DENND3: variants seen among roughly 807,000 people sequenced by gnomAD.
DENND3 encodes the protein DENN domain containing 3.
Under a neutral mutation model 135.1 loss-of-function variants are expected in DENND3, and 88 were observed. That is an observed-to-expected ratio of 0.65 (90% CI 0.55 to 0.78). The LOEUF (loss-of-function observed/expected upper bound fraction) is 0.78. Among genes scored for constraint, DENND3 ranks in the 30% least tolerant of loss-of-function variants. The pLI, the probability that DENND3 is intolerant of heterozygous loss-of-function variation, is 0.00. For synonymous variants in DENND3, 693 were observed against 712.3 expected (o/e 0.97, Z 0.43); for missense variants, 1,392 against 1,688.4 (o/e 0.82, Z 3.08).
chr8:141,171,833 G>A (rs1033436143), intron 13 of DENND3, among the ~76,000 whole-genome samples: 1 of 151,654 alleles, frequency 6.6e-6, no homozygotes, highest in African/African-American at 2.4e-5. Flanking sequence ...GGTGTGCACT[G>A]TGGTAGGCGT....
At position 141,190,813 on chromosome 8, in the gene DENND3, C is replaced by T. The variant is rs750970712; in HGVS notation, c.3379+396C>T. 3.3e-4 allele frequency among the ~76,000 whole-genome samples: 50 copies of T among 152,236 alleles called. 1 individual carries two copies. The highest frequency in any genetic ancestry group is 5.6e-4 in the Non-Finnish European group (38 of 68,044). On this transcript the variant is annotated intron_variant, in intron 20 of 22. Transcript: ENST00000519811. The stretch of plus-strand genomic sequence containing the variant: ...CACACCTGGGGGCAGCTGGCGAGCC[C>T]GTGCTCTGTTCCCCTCGGCTGCTTG...
chr8:141,192,197 C>T, intron 20 of DENND3, 134 bp from the exon 21 acceptor site: 3 of 1,252,236 alleles, frequency 2.4e-6, no homozygotes, highest in Non-Finnish European at 2.2e-6. Context: ...CCTGTGCATT[C>T]CTCAGGCGCC....
At position 141,141,218 on chromosome 8, in the gene DENND3, T is replaced by C. The variant is rs1469560157; in HGVS notation, c.517T>C (p.Tyr173His). ...TTTCATGTAGGATGAGTACTGTTTC[T>C]ACAATGGCAAAACGCACCGGGAGTG... is the stretch of plus-strand genomic sequence containing the variant. ...YRPLHDEYCF[Y>H]NGKTHRECPG... The change falls in exon 4 of 23, where the codon TAC becomes CAC. Residue 173 changes from tyrosine to histidine, a missense_variant. Physicochemically the swap from Tyr to His is moderately conservative, Grantham distance 83. Coordinates refer to ENST00000519811, the MANE Select transcript of DENND3 (RefSeq NM_001352890.3). This position sits in a 1 kb window ranked among gnomAD's most constrained non-coding sequence, Gnocchi z 5.3. 3 of 1,614,106 alleles carry C rather than the reference T, an allele frequency of 1.9e-6. No individual in the cohort carries two copies. Among genetic ancestry groups the C allele is most frequent in the East Asian group, 2.2e-5 (1 of 44,894 alleles).
At chr8:141,158,277 G>T (rs781334847) in intron 8 of DENND3, 1 of 1,287,526 alleles carries the variant, frequency 7.8e-7, no homozygotes. Flanking sequence ...AATCATCTCA[G>T]TTACTTTCTG....
chr8:141,140,672 C>T (rs1009512177), intron 3 of DENND3, among the ~76,000 whole-genome samples: 3 of 152,226 alleles, frequency 2.0e-5, no homozygotes, highest in African/African-American at 7.2e-5. Flanking sequence ...AAGCTATCAT[C>T]ATGCCCTTCC....
At chr8:141,134,930 A>T (rs1023867479) in intron 1 of DENND3, among the ~76,000 whole-genome samples, 1 of 151,922 alleles carries the variant, frequency 6.6e-6, no homozygotes, top group Admixed American at 6.6e-5. Flanking sequence ...TCCTGGGTTC[A>T]TGCCATTCTC....
intron 17 of DENND3, among the ~76,000 whole-genome samples, chr8:141,183,731 G>GTTT (rs1259209795): frequency 7.5e-6 from 1 of 133,868 alleles, no homozygotes; most frequent in Non-Finnish European, 1.6e-5. Context: ...TCAGTTTTTT[G>GTTT]TTTTGTTTTT....
chr8:141,191,476 G>A (rs146298660), intron 20 of DENND3: 44 of 152,366 alleles, frequency 2.9e-4, no homozygotes, highest in African/African-American at 6.0e-4. Flanking sequence ...TTGAAAAACC[G>A]TCAGACTGTT....
intron 11 of DENND3, among the ~76,000 whole-genome samples, chr8:141,165,611 C>T (rs933894638): frequency 1.3e-5 from 2 of 151,962 alleles, no homozygotes; most frequent in African/African-American, 2.4e-5. Flanking sequence ...ATTACAGGCA[C>T]CCACCATCAT....
intron 1 of DENND3, among the ~76,000 whole-genome samples, chr8:141,134,853 C>T (rs1161375612): frequency 1.3e-5 from 2 of 151,896 alleles, no homozygotes; most frequent in South Asian, 2.1e-4. Flanking sequence ...TTCTTCCTTA[C>T]GGAGTCTTGC....
intron 5 of DENND3, among the ~76,000 whole-genome samples, chr8:141,145,843 A>T (rs1313503503): frequency 0.043 from 1,307 of 30,630 alleles, 95 homozygotes; most frequent in African/African-American, 0.31. Flanking sequence ...ATATATATAT[A>T]TATATATGTA....
intron 3 of DENND3, among the ~76,000 whole-genome samples, chr8:141,140,404 T>G (rs1218166039): frequency 1.3e-5 from 2 of 152,180 alleles, no homozygotes; most frequent in Non-Finnish European, 2.9e-5. Flanking sequence ...AAGCACTTTG[T>G]GTAGTCATTC....
At chr8:141,153,266 G>A (rs1819034635) in intron 7 of DENND3, among the ~76,000 whole-genome samples, 2 of 151,746 alleles carry the variant, frequency 1.3e-5, no homozygotes, top group African/African-American at 4.8e-5. Flanking sequence ...GCTAATTTTT[G>A]TATTTTTAGT....
intron 16 of DENND3, among the ~76,000 whole-genome samples, chr8:141,180,539 C>T (rs1162664721): frequency 3.9e-5 from 6 of 152,148 alleles, no homozygotes; most frequent in Non-Finnish European, 8.8e-5. Context: ...TGGCCACTCA[C>T]TCGCACACCA....
chr8:141,158,064 A>C, intron 8 of DENND3: 1 of 1,210,042 alleles, frequency 8.3e-7, no homozygotes, highest in African/African-American at 1.6e-5. Context: ...CCAGTCGGAG[A>C]ACTACCTTTA....
At position 141,192,599 on chromosome 8, in the gene DENND3, C is replaced by T. The variant is rs138050761; in HGVS notation, c.3572C>T (p.Pro1191Leu). Residue 1191 changes from proline to leucine, a missense_variant, in exon 22 of 23, where the codon CCC becomes CTC. Coordinates refer to ENST00000519811, the MANE Select transcript of DENND3 (RefSeq NM_001352890.3). ...YIWSLKDLAQ[P>L]PQRVPLEDCS... is the part of the protein sequence containing the mutation. Reference sequence around the variant, plus strand: ...TGGAGCCTGAAGGACCTGGCCCAGCCCCCGCAGAGGGTGCCCCTCGAGGAC... The same window carrying T: ...TGGAGCCTGAAGGACCTGGCCCAGCTCCCGCAGAGGGTGCCCCTCGAGGAC... 8.4e-5 allele frequency: 133 copies of T among 1,587,300 alleles called. No individual in the cohort carries two copies. The African/African-American group carries it at 1.5e-3, about 18-fold the overall frequency.
At chr8:141,187,147 C>A (rs1328050075) in intron 18 of DENND3, among the ~76,000 whole-genome samples, 2 of 152,154 alleles carry the variant, frequency 1.3e-5, no homozygotes, top group Non-Finnish European at 2.9e-5. Context: ...GAGAAATCCT[C>A]ATGCCTTACT....
In DENND3 at chr8:141,144,103, T is replaced by C. The variant is rs756524635; in HGVS notation, c.624-45T>C. ...GAAACGCTAACGATGACAACTGCGT[T>C]CTCATCTTTATTTTGCGGTTTGAGT... On this transcript the variant is annotated intron_variant, in intron 4 of 22. Transcript: ENST00000519811. This position sits in a 1 kb window ranked among gnomAD's most constrained non-coding sequence, Gnocchi z 4.4. 4 of 1,525,316 alleles carry C rather than the reference T, an allele frequency of 2.6e-6. No homozygotes were observed. In the East Asian group the frequency reaches 6.8e-5, roughly 26 times the overall value. The allele number at this position is 1,525,316 out of a possible 1,614,324, so 94.5% of individuals were successfully genotyped here.
chr8:141,190,499 C>G, intron 20 of DENND3, 82 bp downstream of exon 20: 1 of 1,458,102 alleles, frequency 6.9e-7, no homozygotes, highest in Non-Finnish European at 9.0e-7. Context: ...CAGAAAGCCT[C>G]TTTCCTTTGC....
Sources: gnomAD v4.1 joint callset for allele counts (sites outside exome capture counted in the v4.1 genomes callset) on GRCh38, gnomAD v4.1.1 for gene constraint, Gnocchi (gnomAD v3.1) non-coding constraint, MANE v1.5 for transcripts, NCBI Gene and HGNC (gene_info 2026-07-23, HGNC 2026-07-21) for gene names.